CELSR1: variants seen among roughly 807,000 people sequenced by gnomAD.
CELSR1 encodes cadherin EGF LAG seven-pass G-type receptor 1, also known as adhesion G protein-coupled receptor C1.
A neutral mutation model predicts 249.1 loss-of-function variants in CELSR1; 110 were observed. The ratio of observed to expected loss-of-function variants is 0.44; its 90% CI spans 0.38 to 0.52. The LOEUF is 0.52. Ranked by LOEUF, CELSR1 falls within the 20% of genes least tolerant of loss-of-function variation. CELSR1 has a pLI of 0.00. For synonymous variants in CELSR1, 2,113 were observed against 1,900.0 expected (o/e 1.11, Z -2.92); for missense variants, 4,109 against 4,296.4 (o/e 0.96, Z 1.22).
At chr22:46,444,279 C>T (rs1349643119) in intron 2 of CELSR1, among the ~76,000 whole-genome samples, 15 of 152,250 alleles carry the variant, frequency 9.9e-5, no homozygotes, top group Admixed American at 9.8e-4. Flanking sequence ...GTGAAGACAG[C>T]GCTTTGTATC....
chr22:46,432,424 C>T (rs1298047518), intron 5 of CELSR1, among the ~76,000 whole-genome samples: 1 of 152,206 alleles, frequency 6.6e-6, no homozygotes, highest in Non-Finnish European at 1.5e-5. Context: ...AGCTTAGGCC[C>T]CAGCCTTGTG....
At position 46,389,410 on chromosome 22, in the gene CELSR1, C is replaced by T. The variant is rs770999698; in HGVS notation, c.6435G>A (p.Thr2145=). The stretch of plus-strand genomic sequence containing the variant: ...GCACGTCATTGCCAAAGAGCGTGCC[C>T]GTGTGCTGTGTAGCACTGCGCAGCG... The part of the protein sequence containing the change: ...VRALRSATQH[T]GTLFGNDVRT... Residue 2145 remains threonine, a synonymous_variant, in exon 18 of 35, where the codon ACG becomes ACA. Coordinates refer to ENST00000674500, the MANE Select transcript of CELSR1 (RefSeq NM_001378328.1). 3.1e-5 allele frequency: 50 copies of T among 1,612,364 alleles called. No individual in the cohort carries two copies. Among genetic ancestry groups the T allele is most frequent in the Admixed American group, 1.2e-4 (7 of 59,998 alleles).
rs373551843 is a variant in CELSR1 at position 46,398,682 on chromosome 22, T to C, written c.5413-45A>G. On this transcript the variant is annotated intron_variant, in intron 10 of 34. Transcript: ENST00000674500. The surrounding 1 kb of genome is among the most constrained non-coding windows in gnomAD (Gnocchi z 7.2). ...GGGGATCTGGGGGCTGCATCCACCA[T>C]CCTAGAAACGTCTCTCAGATGGGAA... 10 of 1,464,696 alleles carry C rather than the reference T, an allele frequency of 6.8e-6. No homozygotes were observed. The highest frequency in any genetic ancestry group is 2.0e-5 in the Admixed American group (1 of 50,906). 90.7% of individuals were successfully genotyped at this position (1,464,696 alleles called of 1,614,324 possible). A position where few individuals can be genotyped will look rare whatever the true frequency, so the allele number is the denominator to read the frequency against.
chr22:46,432,335 GA>G (rs1305818347), intron 5 of CELSR1, among the ~76,000 whole-genome samples: 1 of 152,222 alleles, frequency 6.6e-6, no homozygotes, highest in Non-Finnish European at 1.5e-5. Context: ...CAGTGGCTGT[GA>G]AAGAAGGAAG....
At position 46,536,262 on chromosome 22, in the gene CELSR1, GC is replaced by G; in HGVS notation, c.908del (p.Gly303AlafsTer3). ...RGYFRIDSAT[G>X]AVSTDSVLDR... Reference sequence around the variant, plus strand: ...CCAGTACGCTGTCCGTGCTCACGGCGCCCGTGGCAGAGTCGATTCGGAAGTA... The same window carrying G: ...CCAGTACGCTGTCCGTGCTCACGGCGCCGTGGCAGAGTCGATTCGGAAGTA... On this transcript the variant is annotated frameshift_variant, in exon 1 of 35. Coordinates refer to ENST00000674500, the MANE Select transcript of CELSR1 (RefSeq NM_001378328.1). LOFTEE classifies it high-confidence loss of function. 6.2e-7 allele frequency: 1 copy of G among 1,612,304 alleles called. No individual in the cohort carries two copies.
In CELSR1 at chr22:46,423,608, A is replaced by G. The variant is rs976153705; in HGVS notation, c.4611+9785T>C. Among the ~76,000 whole-genome samples, 5 of 72,634 alleles carry G rather than the reference A, an allele frequency of 6.9e-5. No homozygotes were observed. Among genetic ancestry groups the G allele is most frequent in the African/African-American group, 4.8e-4 (3 of 6,296 alleles). The allele number at this position is 72,634 out of a possible 152,430, so 47.7% of individuals were successfully genotyped here. A position where few individuals can be genotyped will look rare whatever the true frequency, so the allele number is the denominator to read the frequency against. On this transcript the variant is annotated intron_variant, in intron 5 of 34. Transcript: ENST00000674500. This position sits in a 1 kb window ranked among gnomAD's most constrained non-coding sequence, Gnocchi z 5.6. ...CAACAGGAGCGAAACTTCGTCTCAG[A>G]AAAAAAAAAAAAAAAAGACTCCATG...
Position 46,424,738 on chromosome 22 carries a change from C to G in CELSR1, c.4611+8655G>C, listed in dbSNP as rs117855304. ...CTGTAATCCCAACACTTTGGAAGCA[C>G]GAGATGGGTGGATTACTTGAGGTCA... On this transcript the variant is annotated intron_variant, in intron 5 of 34. Transcript: ENST00000674500. Among the ~76,000 whole-genome samples, 12 of 152,290 alleles carry G rather than the reference C, an allele frequency of 7.9e-5. No individual in the cohort carries two copies. The East Asian group carries it at 1.3e-3, about 17-fold the overall frequency.
At chr22:46,470,502 G>A (rs1041527276) in intron 1 of CELSR1, among the ~76,000 whole-genome samples, 1 of 151,608 alleles carries the variant, frequency 6.6e-6, no homozygotes, top group African/African-American at 2.4e-5. Flanking sequence ...GGGATAAAAC[G>A]ATGACATAAC....
At position 46,441,154 on chromosome 22, in the gene CELSR1, A is replaced by C. The variant is rs927122803; in HGVS notation, c.4184-1743T>G. Among the ~76,000 whole-genome samples, 1 of 128,776 alleles carries C rather than the reference A, an allele frequency of 7.8e-6. No homozygotes were observed. Among genetic ancestry groups the C allele is most frequent in the African/African-American group, 4.2e-5 (1 of 23,600 alleles). The allele number at this position is 128,776 out of a possible 152,430, so 84.5% of individuals were successfully genotyped here. A position where few individuals can be genotyped will look rare whatever the true frequency, so the allele number is the denominator to read the frequency against. On this transcript the variant is annotated intron_variant, in intron 2 of 34. Transcript: ENST00000674500. The surrounding 1 kb of genome is among the most constrained non-coding windows in gnomAD (Gnocchi z 6.1). ...GGTGCCAGAGCGAGACTTCATTTCA[A>C]AAAAAAAAAAAAAAGAGAGACTGCT...
At chr22:46,519,382 G>T (rs778145234) in intron 1 of CELSR1, among the ~76,000 whole-genome samples, 5 of 152,232 alleles carry the variant, frequency 3.3e-5, no homozygotes, top group Non-Finnish European at 7.3e-5. Context: ...TTGAACCAGC[G>T]TGTGTACTGG....
Position 46,395,138 on chromosome 22 carries a change from C to A in CELSR1, c.5844-876G>T, listed in dbSNP as rs888520809. Among the ~76,000 whole-genome samples the A allele has an allele frequency of 1.3e-5, 2 of 152,208 alleles. No individual in the cohort carries two copies. The highest frequency in any genetic ancestry group is 6.5e-5 in the Admixed American group (1 of 15,280). On this transcript the variant is annotated intron_variant, in intron 13 of 34. Transcript: ENST00000674500. The surrounding 1 kb of genome is among the most constrained non-coding windows in gnomAD (Gnocchi z 5.5). ...ATCAGGGTCATAAAGACAACCAGGC[C>A]AGAGATAGAGTCTGGCGTTTATGGA...
In CELSR1 at chr22:46,391,868, T is replaced by C; in HGVS notation, c.5965-52A>G. ...GACTTCAGATGCCCGGGAGAGGCCC[T>C]ACCTTGCAGCGTGTTTCCCGAGCGA... On this transcript the variant is annotated intron_variant, in intron 14 of 34. Coordinates refer to ENST00000674500, the MANE Select transcript of CELSR1 (RefSeq NM_001378328.1). The surrounding 1 kb of genome is among the most constrained non-coding windows in gnomAD (Gnocchi z 4.3). The C allele has an allele frequency of 6.4e-7, 1 of 1,554,256 alleles. No individual in the cohort carries two copies. Among genetic ancestry groups the C allele is most frequent in the Non-Finnish European group, 8.7e-7 (1 of 1,151,710 alleles).
Position 46,366,974 on chromosome 22 carries a change from T to A in CELSR1, c.8205+19A>T. 6.3e-7 allele frequency: 1 copy of A among 1,598,202 alleles called. No individual in the cohort carries two copies. The highest frequency in any genetic ancestry group is 8.5e-7 in the Non-Finnish European group (1 of 1,174,132). On this transcript the variant is annotated intron_variant, in intron 29 of 34. Transcript: ENST00000674500. ...TGCCGCCCAGCCCCCAGTCCCGCGG[T>A]GTCCCCGGCGCCTCCTACCGTCAGC...
Position 46,443,058 on chromosome 22 carries a change from G to A in CELSR1, c.4184-3647C>T, listed in dbSNP as rs907767840. On this transcript the variant is annotated intron_variant, in intron 2 of 34. Coordinates refer to ENST00000674500, the MANE Select transcript of CELSR1 (RefSeq NM_001378328.1). ...GCTTGCAGTGAGCCGAGATCGCACC[G>A]CGGCACTCCAGCCTGGGGGACAGAG... 6.6e-5 allele frequency among the ~76,000 whole-genome samples: 10 copies of A among 151,848 alleles called. No individual in the cohort carries two copies. The South Asian group carries it at 8.3e-4, about 13-fold the overall frequency.
chr22:46,534,225 C>T lies in CELSR1; in HGVS notation c.2946G>A (p.Ser982=), dbSNP rs753716776. ...DRGSPTPLSA[S]VEIQVTILDI... ...CCAAGATGGTCACCTGGATTTCTACCGAGGCGCTAAGGGGAGTGGGACTGC... is the reference window on the plus strand; with the variant it reads ...CCAAGATGGTCACCTGGATTTCTACTGAGGCGCTAAGGGGAGTGGGACTGC... The change falls in exon 1 of 35, where the codon TCG becomes TCA. Residue 982 remains serine, a synonymous_variant. Transcript: ENST00000674500. This position sits in a 1 kb window ranked among gnomAD's most constrained non-coding sequence, Gnocchi z 9.7. 8.1e-6 allele frequency: 13 copies of T among 1,613,624 alleles called. No homozygotes were observed. In the African/African-American group the frequency reaches 9.3e-5, roughly 12 times the overall value.
At position 46,420,992 on chromosome 22, in the gene CELSR1, G is replaced by A. The variant is rs115966737; in HGVS notation, c.4612-9233C>T. On this transcript the variant is annotated intron_variant, in intron 5 of 34. Transcript: ENST00000674500. The stretch of plus-strand genomic sequence containing the variant: ...GCACGTCCCAGAGCAGCGGATACAC[G>A]GGTGGGTGAGAGATGCTGGGTCCAT... Among the ~76,000 whole-genome samples, 11 of 152,278 alleles carry A rather than the reference G, an allele frequency of 7.2e-5. No homozygotes were observed. The East Asian group carries it at 9.7e-4, about 13-fold the overall frequency.
rs796796783 is a variant in CELSR1, at chr22:46,413,349, C to T, written c.4612-1590G>A. Among the ~76,000 whole-genome samples the T allele has an allele frequency of 2.0e-5, 3 of 152,314 alleles. No homozygotes were observed. Among genetic ancestry groups the T allele is most frequent in the Non-Finnish European group, 2.9e-5 (2 of 68,018 alleles). On this transcript the variant is annotated intron_variant, in intron 5 of 34. Coordinates refer to ENST00000674500, the MANE Select transcript of CELSR1 (RefSeq NM_001378328.1). This position sits in a 1 kb window ranked among gnomAD's most constrained non-coding sequence, Gnocchi z 4.7. ...GGGGACCCTGGACACCCAGGCAGCA[C>T]GCCCTGCCTGGAGTTGTGCAGTGGG...
chr22:46,517,573 G>T lies in CELSR1; in HGVS notation c.3544+16054C>A, dbSNP rs6008887. ...AGTAAGGTGCCCCTGCAGACACGCC[G>T]CAAAACACGCCCCTGAGCTTCCCGT... On this transcript the variant is annotated intron_variant, in intron 1 of 34. Coordinates refer to ENST00000674500, the MANE Select transcript of CELSR1 (RefSeq NM_001378328.1). This position sits in a 1 kb window ranked among gnomAD's most constrained non-coding sequence, Gnocchi z 5.4. Among the ~76,000 whole-genome samples the T allele has an allele frequency of 0.021, 3,222 of 152,224 alleles. 115 individuals are homozygous for T. The highest frequency in any genetic ancestry group is 0.074 in the African/African-American group (3,063 of 41,538).
chr22:46,482,528 G>C (rs1419558350), intron 1 of CELSR1, among the ~76,000 whole-genome samples: 1 of 152,252 alleles, frequency 6.6e-6, no homozygotes, highest in East Asian at 1.9e-4. Flanking sequence ...AAAGCACATA[G>C]AGGTTAAGTG....
Sources: gnomAD v4.1 joint callset for allele counts (sites outside exome capture counted in the v4.1 genomes callset) on GRCh38, gnomAD v4.1.1 for gene constraint, Gnocchi (gnomAD v3.1) non-coding constraint, MANE v1.5 for transcripts, NCBI Gene and HGNC (gene_info 2026-07-23, HGNC 2026-07-21) for gene names.